The following BCL2L13 variants were observed in gnomAD, a reference collection of about 807,000 sequenced individuals.
BCL2L13 encodes the protein bcl-2-like protein 13.
BCL2L13 carries 13 observed loss-of-function variants against 25.8 expected under a neutral mutation model. The ratio of observed to expected loss-of-function variants is 0.50; its 90% CI spans 0.33 to 0.80. BCL2L13 has a LOEUF of 0.80. BCL2L13 is among the 30% of genes least tolerant of loss of function. BCL2L13 has a pLI of 0.02. For synonymous variants in BCL2L13, 244 were observed against 230.3 expected, an observed-to-expected ratio of 1.06 and a Z score of -0.54; for missense variants, 504 against 574.9, an observed-to-expected ratio of 0.88 and a Z score of 1.26.
chr22:17,646,955 A>ATATATATTTT (rs768488873), intron 1 of BCL2L13, among the ~76,000 whole-genome samples: 10 of 22,186 alleles, frequency 4.5e-4, no homozygotes, highest in East Asian at 5.5e-3. Context: ...ATATATATAT[A>ATATATATTTT]TTTTTTTTTT....
chr22:17,712,206 T>C (rs2060783443), intron 6 of BCL2L13, among the ~76,000 whole-genome samples: 1 of 152,206 alleles, frequency 6.6e-6, no homozygotes, highest in Non-Finnish European at 1.5e-5. Context: ...TTACTCAGTA[T>C]TGTATATTAA....
rs1373776584 is a variant in BCL2L13, at chr22:17,730,405, G to A, written c.*2871G>A. 1 of 152,112 alleles carries A rather than the reference G, an allele frequency of 6.6e-6. No homozygotes were observed. The highest frequency in any genetic ancestry group is 6.5e-5 in the Admixed American group (1 of 15,274). The allele number at this position is 152,112 out of a possible 1,614,324, so 9.4% of individuals were successfully genotyped here. On this transcript the variant is annotated 3_prime_UTR_variant, in exon 7 of 7. Transcript: ENST00000317582. ...ACCAGATGCAGCCACTACCTAACTA[G>A]GCTTGTCCTGGGGGAGTGAGCCGTG...
intron 1 of BCL2L13, among the ~76,000 whole-genome samples, chr22:17,651,777 G>A (rs893201340): frequency 2.6e-5 from 4 of 151,860 alleles, no homozygotes; most frequent in Non-Finnish European, 5.9e-5. Context: ...TGCAAGCTCC[G>A]CCTCCCGGGT....
At chr22:17,668,814 A>G (rs928133113) in intron 2 of BCL2L13, among the ~76,000 whole-genome samples, 8 of 152,220 alleles carry the variant, frequency 5.3e-5, no homozygotes, top group Middle Eastern at 6.8e-3. Context: ...AGGGATTCAG[A>G]TAAGTTCTTC....
chr22:17,659,094 G>A (rs1401770923), intron 2 of BCL2L13, among the ~76,000 whole-genome samples: 3 of 140,408 alleles, frequency 2.1e-5, no homozygotes, highest in East Asian at 2.0e-4. Context: ...GGCCAGGCAC[G>A]GTGGCTCACG....
intron 1 of BCL2L13, among the ~76,000 whole-genome samples, chr22:17,642,936 C>T (rs910778072): frequency 8.6e-5 from 13 of 152,034 alleles, no homozygotes; most frequent in African/African-American, 2.9e-4. Flanking sequence ...AATTTTTGTG[C>T]AGATGCGTTT....
At chr22:17,636,737 T>A (rs890430707), upstream of BCL2L13, among the ~76,000 whole-genome samples, 3 of 151,876 alleles carry the variant, frequency 2.0e-5, no homozygotes, top group Admixed American at 2.0e-4. Context: ...TGAGGTTCAG[T>A]GAGCTGAGAT....
intron 1 of BCL2L13, among the ~76,000 whole-genome samples, chr22:17,654,583 C>T (rs1340874455): frequency 5.3e-5 from 8 of 151,882 alleles, no homozygotes; most frequent in African/African-American, 4.8e-5. Context: ...CCATCACGCC[C>T]GGCTAATTTT....
In BCL2L13 at chr22:17,686,533, C is replaced by CA. The variant is rs1238284018; in HGVS notation, c.230-2452dup. ...TTTTTTTTTCTTTTTTTTTTTGAGACAGAGTCTCGCTCTGTCACCCAGGCT... is the reference window on the plus strand; with the variant it reads ...TTTTTTTTTCTTTTTTTTTTTGAGACAAGAGTCTCGCTCTGTCACCCAGGCT... On this transcript the variant is annotated intron_variant, in intron 3 of 6. Transcript: ENST00000317582. Among the ~76,000 whole-genome samples, 11 of 135,980 alleles carry CA rather than the reference C, an allele frequency of 8.1e-5. No individual in the cohort carries two copies. The South Asian group carries it at 1.9e-3, about 24-fold the overall frequency. The allele number at this position is 135,980 out of a possible 152,430, so 89.2% of individuals were successfully genotyped here. A position where few individuals can be genotyped will look rare whatever the true frequency, so the allele number is the denominator to read the frequency against.
chr22:17,638,088 A>T (rs534573099), upstream of BCL2L13: 1 of 152,232 alleles, frequency 6.6e-6, no homozygotes, highest in African/African-American at 2.4e-5. Context: ...AACACACTGT[A>T]TCCTCTCTCC....
chr22:17,651,174 A>G (rs573228212), intron 1 of BCL2L13, among the ~76,000 whole-genome samples: 2 of 151,134 alleles, frequency 1.3e-5, no homozygotes, highest in South Asian at 4.2e-4. Context: ...TAATTTTTGT[A>G]TTTTTAGTAG....
rs1424214531 is a variant in BCL2L13, at chr22:17,644,011, C to G, written c.-51+5125C>G. ...GCAAACTCCGCTTCCTGGGCTCAAG[C>G]CTGATTCTCCTGGCTCAGCCTCCTG... On this transcript the variant is annotated intron_variant, in intron 1 of 6. Coordinates refer to ENST00000317582, the MANE Select transcript of BCL2L13 (RefSeq NM_015367.4). 5.9e-5 allele frequency among the ~76,000 whole-genome samples: 9 copies of G among 151,320 alleles called. 1 individual carries two copies. Among genetic ancestry groups the G allele is most frequent in the African/African-American group, 2.2e-4 (9 of 40,732 alleles).
intron 2 of BCL2L13, among the ~76,000 whole-genome samples, chr22:17,675,221 C>T (rs1018953619): frequency 6.6e-6 from 1 of 152,078 alleles, no homozygotes; most frequent in African/African-American, 2.4e-5. Context: ...CCACTAAGAG[C>T]TTTATAACAT....
At chr22:17,642,125 CTCTCT>C (rs1389334523) in intron 1 of BCL2L13, among the ~76,000 whole-genome samples, 1 of 120,646 alleles carries the variant, frequency 8.3e-6, no homozygotes, top group Non-Finnish European at 1.6e-5. Context: ...TGTCTGGCTT[CTCTCT>C]TTTTTTTTTT....
intron 6 of BCL2L13, among the ~76,000 whole-genome samples, chr22:17,721,320 G>A (rs2061122584): frequency 6.6e-6 from 1 of 152,082 alleles, no homozygotes; most frequent in African/African-American, 2.4e-5. Flanking sequence ...ATGTTCCCAG[G>A]AAGTAGCAGA....
chr22:17,689,980 C>G (rs529958367), intron 4 of BCL2L13, among the ~76,000 whole-genome samples: 1 of 151,988 alleles, frequency 6.6e-6, no homozygotes, highest in Non-Finnish European at 1.5e-5. Flanking sequence ...TGGTTCTGAC[C>G]ATATTAAAGC....
Position 17,728,864 on chromosome 22 carries a change from G to A in BCL2L13, c.*1330G>A, listed in dbSNP as rs1013081867. 21 of 152,226 alleles carry A rather than the reference G, an allele frequency of 1.4e-4. No individual in the cohort carries two copies. The highest frequency in any genetic ancestry group is 4.1e-4 in the African/African-American group (17 of 41,532). The allele number at this position is 152,226 out of a possible 1,614,324, so 9.4% of individuals were successfully genotyped here. A position where few individuals can be genotyped will look rare whatever the true frequency, so the allele number is the denominator to read the frequency against. On this transcript the variant is annotated 3_prime_UTR_variant, in exon 7 of 7. Transcript: ENST00000317582. ...AATCAGTATATGCTAGTTGAGCATC[G>A]GCATAATTTTCTTTCCTCTGGCTGA... is the stretch of plus-strand genomic sequence containing the variant.
At chr22:17,722,411 GTGTGTGTGTA>G (rs2061171851) in intron 6 of BCL2L13, among the ~76,000 whole-genome samples, 1 of 151,578 alleles carries the variant, frequency 6.6e-6, no homozygotes, top group African/African-American at 2.4e-5. Flanking sequence ...GTGTGTGTGT[GTGTGTGTGTA>G]TGTAGAGATG....
chr22:17,684,662 C>T (rs1213562068), intron 3 of BCL2L13: 3 of 452,990 alleles, frequency 6.6e-6, no homozygotes, highest in Non-Finnish European at 1.3e-5. Flanking sequence ...CTCCCAGGTT[C>T]AAATGATTCT....
Sources: gnomAD v4.1 joint callset for allele counts (sites outside exome capture counted in the v4.1 genomes callset) on GRCh38, gnomAD v4.1.1 for gene constraint, MANE v1.5 for transcripts, NCBI Gene and HGNC (gene_info 2026-07-23, HGNC 2026-07-21) for gene names.